Variants in TNFSF15 observed in about 807,000 individuals in gnomAD.
TNFSF15 encodes TNF superfamily member 15.
TNFSF15 carries 15 observed loss-of-function variants against 26.4 expected under a neutral mutation model. The ratio of observed to expected loss-of-function variants is 0.57; its 90% CI spans 0.38 to 0.87. The LOEUF (loss-of-function observed/expected upper bound fraction) is 0.87. Among genes scored for constraint, TNFSF15 ranks in the 40% least tolerant of loss-of-function variants. The pLI, the probability that TNFSF15 is intolerant of heterozygous loss-of-function variation, is 0.00. For missense variants in TNFSF15, 290 were observed against 306.1 expected (o/e 0.95, Z 0.39); for synonymous variants, 116 against 115.0 (o/e 1.01, Z -0.06).
chr9:114,804,037 G>A (rs1043322848), intron 1 of TNFSF15, among the ~76,000 whole-genome samples: 1 of 152,142 alleles, frequency 6.6e-6, no homozygotes, highest in Non-Finnish European at 1.5e-5. Context: ...GACCCTGATT[G>A]CTACATGAGC....
chr9:114,792,277 A>T, intron 3 of TNFSF15, 130 bp downstream of exon 3: 9 of 963,592 alleles, frequency 9.3e-6, no homozygotes, highest in South Asian at 1.7e-5. Flanking sequence ...TGGAATATTG[A>T]GGGGAGGAGT....
chr9:114,801,010 A>T (rs1564347153), intron 1 of TNFSF15, among the ~76,000 whole-genome samples: 1 of 152,160 alleles, frequency 6.6e-6, no homozygotes, highest in Non-Finnish European at 1.5e-5. Context: ...GGTTGGAGGG[A>T]ACCAAGGAGA....
Position 114,785,812 on chromosome 9 carries a change from T to C in TNFSF15, c.*4640A>G, listed in dbSNP as rs926960305. Reference sequence around the variant, plus strand: ...CCCATCTTCCTTCAAATCACTAAAATGAACTCTATTTGCGATGAGTAGAGA... The same window carrying C: ...CCCATCTTCCTTCAAATCACTAAAACGAACTCTATTTGCGATGAGTAGAGA... On this transcript the variant is annotated 3_prime_UTR_variant, in exon 4 of 4. Transcript: ENST00000374045. 6.6e-6 allele frequency: 1 copy of C among 152,224 alleles called. No homozygotes were observed. Among genetic ancestry groups the C allele is most frequent in the Non-Finnish European group, 1.5e-5 (1 of 68,062 alleles). 9.4% of individuals were successfully genotyped at this position (152,224 alleles called of 1,614,324 possible).
Position 114,790,288 on chromosome 9 carries a change from A to T in TNFSF15, c.*164T>A. The stretch of plus-strand genomic sequence containing the variant: ...AGTACTCTCATCAGTAAGGCACATG[A>T]AGTGTGAAATTTTGGGCCCCAAATT... On this transcript the variant is annotated 3_prime_UTR_variant, in exon 4 of 4. Coordinates refer to ENST00000374045, the MANE Select transcript of TNFSF15 (RefSeq NM_005118.4). 1.6e-6 allele frequency: 1 copy of T among 633,314 alleles called. No homozygotes were observed. The highest frequency in any genetic ancestry group is 2.7e-6 in the Non-Finnish European group (1 of 366,720). The allele number at this position is 633,314 out of a possible 1,614,324, so 39.2% of individuals were successfully genotyped here.
intron 1 of TNFSF15, 48 bp from the exon 2 acceptor site, chr9:114,793,616 C>T (rs749504956): frequency 5.1e-6 from 8 of 1,575,680 alleles, no homozygotes; most frequent in Non-Finnish European, 5.2e-6. Flanking sequence ...TCCTTTTGAT[C>T]CCAACACTTA....
chr9:114,793,014 G>C (rs62578670), intron 2 of TNFSF15, among the ~76,000 whole-genome samples: 1 of 152,138 alleles, frequency 6.6e-6, no homozygotes. Context: ...TAGTTCTTGA[G>C]AAGACCTTAG....
chr9:114,785,713 C>T lies in TNFSF15; in HGVS notation c.*4739G>A, dbSNP rs939060317. On this transcript the variant is annotated 3_prime_UTR_variant, in exon 4 of 4. Transcript: ENST00000374045. ...TAACTGCAACTCTGTAGCCCTAGCT[C>T]TCTTCTCTGGGGAGCTACAGTAGAA... 2 of 152,202 alleles carry T rather than the reference C, an allele frequency of 1.3e-5. No homozygotes were observed. The highest frequency in any genetic ancestry group is 4.8e-5 in the African/African-American group (2 of 41,440). The allele number at this position is 152,202 out of a possible 1,614,324, so 9.4% of individuals were successfully genotyped here.
At chr9:114,804,716 G>T (rs1408235779) in intron 1 of TNFSF15, among the ~76,000 whole-genome samples, 1 of 152,156 alleles carries the variant, frequency 6.6e-6, no homozygotes, top group Non-Finnish European at 1.5e-5. Flanking sequence ...TACATTTTAT[G>T]AGCAATGGCA....
At chr9:114,793,960 A>G (rs1829643933) in intron 1 of TNFSF15, among the ~76,000 whole-genome samples, 1 of 152,246 alleles carries the variant, frequency 6.6e-6, no homozygotes, top group African/African-American at 2.4e-5. Flanking sequence ...CTTAAAAACG[A>G]CACAGAAGAG....
chr9:114,786,610 C>T lies in TNFSF15; in HGVS notation c.*3842G>A, dbSNP rs1350844436. ...ACACTTTTCCCTTTTCTTACTGTACCTTAGTAAAAAAAAAATCAGAGTCCG... is the reference window on the plus strand; with the variant it reads ...ACACTTTTCCCTTTTCTTACTGTACTTTAGTAAAAAAAAAATCAGAGTCCG... On this transcript the variant is annotated 3_prime_UTR_variant, in exon 4 of 4. Coordinates refer to ENST00000374045, the MANE Select transcript of TNFSF15 (RefSeq NM_005118.4). 1.3e-5 allele frequency: 2 copies of T among 151,836 alleles called. No individual in the cohort carries two copies. 9.4% of individuals were successfully genotyped at this position (151,836 alleles called of 1,614,324 possible). A position where few individuals can be genotyped will look rare whatever the true frequency, so the allele number is the denominator to read the frequency against.
intron 1 of TNFSF15, among the ~76,000 whole-genome samples, chr9:114,804,202 C>T (rs1829786158): frequency 1.3e-5 from 2 of 152,184 alleles, no homozygotes; most frequent in Non-Finnish European, 2.9e-5. Flanking sequence ...TTATTCATTT[C>T]TTGAGCATCT....
chr9:114,791,103 A>G, intron 3 of TNFSF15, 197 bp from the exon 4 acceptor site: 1 of 637,422 alleles, frequency 1.6e-6, no homozygotes, highest in East Asian at 2.8e-5. Flanking sequence ...ATCTTGGACT[A>G]GTGACCTGGG....
At chr9:114,791,268 A>C (rs976529953) in intron 3 of TNFSF15, 4 of 388,778 alleles carry the variant, frequency 1.0e-5, no homozygotes, top group Middle Eastern at 7.2e-4. Flanking sequence ...ATCCTTTCCC[A>C]AATGACTCAG....
Position 114,792,445 on chromosome 9 carries a change from A to G in TNFSF15, c.263T>C (p.Leu88Pro), listed in dbSNP as rs747024209. 3.7e-6 allele frequency: 6 copies of G among 1,614,140 alleles called. No homozygotes were observed. The highest frequency in any genetic ancestry group is 5.1e-6 in the Non-Finnish European group (6 of 1,179,986). Residue 88 changes from leucine to proline, a missense_variant, in exon 3 of 4, where the codon CTT becomes CCT. Leu to Pro is a moderately conservative substitution (Grantham distance 98, BLOSUM62 -3). This residue lies in a region of TNFSF15 where 179 missense variants were observed against 165.9 expected (regional missense o/e 1.08). Transcript: ENST00000374045. ...CCTTGGCTTATCTCCGTCTGCTCTAAGAGGTGCATCTGTAACAAAAGGAGA... is the reference window on the plus strand; with the variant it reads ...CCTTGGCTTATCTCCGTCTGCTCTAGGAGGTGCATCTGTAACAAAAGGAGA... ...APSHQQVYAPLRADGDKPRAH... is the reference protein window; with the variant it reads ...APSHQQVYAPPRADGDKPRAH...
intron 1 of TNFSF15, among the ~76,000 whole-genome samples, chr9:114,802,063 T>C (rs927918061): frequency 3.3e-5 from 5 of 152,298 alleles, no homozygotes; most frequent in Middle Eastern, 3.4e-3. Flanking sequence ...TCAGTTAACT[T>C]GTGTGCAATG....
At chr9:114,800,537 T>G (rs1587901508) in intron 1 of TNFSF15, among the ~76,000 whole-genome samples, 1 of 152,340 alleles carries the variant, frequency 6.6e-6, no homozygotes, top group Non-Finnish European at 1.5e-5. Flanking sequence ...TTTAAATCCG[T>G]GTCACAGTCT....
In TNFSF15 at chr9:114,805,973, T is replaced by G. The variant is rs767994309; in HGVS notation, c.40A>C (p.Ser14Arg). The change falls in exon 1 of 4, where the codon AGT (serine) becomes CGT (arginine). Residue 14 changes from serine to arginine, a missense_variant. Physicochemically the swap from Ser to Arg is moderately radical, Grantham distance 110. Around this residue, in one of 3 missense-constraint regions of TNFSF15, gnomAD observed 179 missense variants for 165.9 expected, o/e 1.08. Coordinates refer to ENST00000374045, the MANE Select transcript of TNFSF15 (RefSeq NM_005118.4). The stretch of plus-strand genomic sequence containing the variant: ...CCGTGCTCTGGCAGCATTTCCACAC[T>G]GGCTGTTTCCCCAAAGCTCAGTCCC... The part of the protein sequence containing the change: ...DLGLSFGETA[S>R]VEMLPEHGSC... The G allele has an allele frequency of 6.2e-7, 1 of 1,614,056 alleles. No individual in the cohort carries two copies. The highest frequency in any genetic ancestry group is 1.7e-5 in the Admixed American group (1 of 60,020).
At position 114,806,037 on chromosome 9, in the gene TNFSF15, T is replaced by A. The variant is rs544667198; in HGVS notation, c.-25A>T. On this transcript the variant is annotated 5_prime_UTR_variant, in exon 1 of 4. Coordinates refer to ENST00000374045, the MANE Select transcript of TNFSF15 (RefSeq NM_005118.4). The stretch of plus-strand genomic sequence containing the variant: ...TGCTCCTGCTGCTCCTGGAGGCACC[T>A]CTGACTCCTGGGCAGAGAGAGCCCC... 1.3e-4 allele frequency: 207 copies of A among 1,607,140 alleles called. No homozygotes were observed. Among genetic ancestry groups the A allele is most frequent in the South Asian group, 1.2e-3 (109 of 90,858 alleles).
rs771573946 is a variant in TNFSF15 at position 114,785,613 on chromosome 9, G to T, written c.*4839C>A. ...TTGTTTGAGTATCTCCAGGGACTGAGAAATAGCATCCTAGAAAAATTCTAT... is the reference window on the plus strand; with the variant it reads ...TTGTTTGAGTATCTCCAGGGACTGATAAATAGCATCCTAGAAAAATTCTAT... On this transcript the variant is annotated 3_prime_UTR_variant, in exon 4 of 4. Transcript: ENST00000374045. The T allele has an allele frequency of 1.3e-5, 2 of 152,220 alleles. No homozygotes were observed. The highest frequency in any genetic ancestry group is 2.4e-5 in the African/African-American group (1 of 41,460). 9.4% of individuals were successfully genotyped at this position (152,220 alleles called of 1,614,324 possible). A position where few individuals can be genotyped will look rare whatever the true frequency, so the allele number is the denominator to read the frequency against.
Sources: allele counts gnomAD v4.1 joint callset (sites outside exome capture counted in the v4.1 genomes callset), GRCh38; gene constraint gnomAD v4.1.1; regional missense constraint gnomAD v4.1.1; transcripts MANE v1.5; gene names NCBI Gene and HGNC (gene_info 2026-07-23, HGNC 2026-07-21).